Variants in GRM7 observed in about 807,000 individuals in gnomAD.
GRM7 encodes glutamate metabotropic receptor 7.
GRM7 carries 35 observed loss-of-function variants against 84.5 expected under a neutral mutation model. The observed-to-expected ratio is 0.41, with a 90% CI of 0.32 to 0.55. The LOEUF is 0.55. Among genes scored for constraint, GRM7 ranks in the 20% least tolerant of loss-of-function variants. The probability of loss-of-function intolerance (pLI) is 0.19; values close to 1 mark genes in which losing one functional copy is unlikely to be tolerated. For missense variants in GRM7, 1,003 were observed against 1,194.6 expected, an observed-to-expected ratio of 0.84 and a Z score of 2.36; for synonymous variants, 487 against 455.1, an observed-to-expected ratio of 1.07 and a Z score of -0.89.
At chr3:7,024,463 A>T (rs544413451) in intron 1 of GRM7, among the ~76,000 whole-genome samples, 1 of 152,352 alleles carries the variant, frequency 6.6e-6, no homozygotes, top group East Asian at 1.9e-4. Context: ...TTTCCCCAAG[A>T]TGAAAAATGG....
In GRM7 at chr3:6,925,060, A is replaced by G. The variant is rs139102821; in HGVS notation, c.519+63153A>G. Among the ~76,000 whole-genome samples, 558 of 152,294 alleles carry G rather than the reference A, an allele frequency of 3.7e-3. 3 individuals carry two copies. Among genetic ancestry groups the G allele is most frequent in the African/African-American group, 0.013 (521 of 41,558 alleles). On this transcript the variant is annotated intron_variant, in intron 1 of 9. Coordinates refer to ENST00000357716, the MANE Select transcript of GRM7 (RefSeq NM_000844.4). ...TTTTTTACTGAAGAAAGAAAAAGAGATATGAGTGGGGAGAATGGAGTAAAG... is the reference window on the plus strand; with the variant it reads ...TTTTTTACTGAAGAAAGAAAAAGAGGTATGAGTGGGGAGAATGGAGTAAAG...
chr3:6,890,113 T>A (rs1159169286), intron 1 of GRM7, among the ~76,000 whole-genome samples: 1 of 152,188 alleles, frequency 6.6e-6, no homozygotes, highest in Non-Finnish European at 1.5e-5. Flanking sequence ...TCTATTTGAT[T>A]CTTCTCTCTT....
intron 1 of GRM7, among the ~76,000 whole-genome samples, chr3:7,068,330 G>T (rs951555369): frequency 3.6e-4 from 55 of 151,990 alleles, no homozygotes; most frequent in African/African-American, 1.2e-3. Flanking sequence ...TATAAATAGG[G>T]TAATGATGTC....
At chr3:7,453,769 G>T (rs1697880845) in intron 6 of GRM7, among the ~76,000 whole-genome samples, 1 of 152,066 alleles carries the variant, frequency 6.6e-6, no homozygotes, top group Non-Finnish European at 1.5e-5. Context: ...GAAGAAATGT[G>T]ACTGTACACA....
At chr3:7,344,326 T>C (rs767337298) in intron 4 of GRM7, among the ~76,000 whole-genome samples, 2 of 152,216 alleles carry the variant, frequency 1.3e-5, no homozygotes, top group African/African-American at 2.4e-5. Context: ...TTCCAACTTA[T>C]AAGTGAGAAC....
chr3:7,634,747 TC>T (rs1698005227), intron 8 of GRM7, among the ~76,000 whole-genome samples: 1 of 150,112 alleles, frequency 6.7e-6, no homozygotes, highest in African/African-American at 2.5e-5. Context: ...TGAGCCGAGA[TC>T]GCGCCACTGC....
At chr3:7,022,819 G>T (rs1695828322) in intron 1 of GRM7, among the ~76,000 whole-genome samples, 1 of 152,024 alleles carries the variant, frequency 6.6e-6, no homozygotes, top group Admixed American at 6.6e-5. Context: ...TCCTATGAAG[G>T]TTTGCTGAAA....
chr3:7,527,209 T>C (rs1700841686), intron 7 of GRM7, among the ~76,000 whole-genome samples: 2 of 151,986 alleles, frequency 1.3e-5, no homozygotes, highest in Admixed American at 6.6e-5. Context: ...TTTCAGCAAT[T>C]TTTTATAGTT....
At chr3:7,457,356 C>A (rs1048300199) in intron 6 of GRM7, among the ~76,000 whole-genome samples, 2 of 152,116 alleles carry the variant, frequency 1.3e-5, no homozygotes, top group Admixed American at 6.6e-5. Context: ...TTTTATCATG[C>A]CTAGATATTT....
At chr3:7,649,796 A>AAAT (rs1698841701) in intron 8 of GRM7, among the ~76,000 whole-genome samples, 1 of 149,726 alleles carries the variant, frequency 6.7e-6, no homozygotes, top group Non-Finnish European at 1.5e-5. Context: ...TTTTCCACCC[A>AAAT]AATTTATTTC....
At chr3:7,246,779 AT>A (rs1697777043) in intron 2 of GRM7, among the ~76,000 whole-genome samples, 1 of 152,112 alleles carries the variant, frequency 6.6e-6, no homozygotes, top group Non-Finnish European at 1.5e-5. Context: ...TTCCATCAGA[AT>A]TTTCTTTGTA....
chr3:7,349,019 G>A (rs1475895006), intron 4 of GRM7, among the ~76,000 whole-genome samples: 3 of 152,056 alleles, frequency 2.0e-5, no homozygotes, highest in African/African-American at 7.2e-5. Context: ...GTTATAAAAC[G>A]TGGTCCCTGT....
intron 1 of GRM7, among the ~76,000 whole-genome samples, chr3:6,979,728 G>C (rs1457924413): frequency 6.6e-6 from 1 of 152,144 alleles, no homozygotes; most frequent in Non-Finnish European, 1.5e-5. Flanking sequence ...ATAAAAATGG[G>C]TTGGTGGAAA....
rs182927329 is a variant in GRM7, at chr3:7,164,094, C to T, written c.736+17426C>T. On this transcript the variant is annotated intron_variant, in intron 2 of 9. Transcript: ENST00000357716. ...AAAACCATAGCCACATGCAGTGGCT[C>T]ACACCTGTAATCCCAGCACTTTGGG... 1.7e-3 allele frequency among the ~76,000 whole-genome samples: 257 copies of T among 152,296 alleles called. 1 individual carries two copies. Among genetic ancestry groups the T allele is most frequent in the East Asian group, 4.1e-3 (21 of 5,176 alleles).
chr3:7,041,463 A>ATTTC (rs930397403), intron 1 of GRM7, among the ~76,000 whole-genome samples: 23 of 152,184 alleles, frequency 1.5e-4, no homozygotes, highest in African/African-American at 5.6e-4. Context: ...TTAATAGTTA[A>ATTTC]TTTCTTTTTA....
chr3:7,046,713 A>G (rs185323049), intron 1 of GRM7, among the ~76,000 whole-genome samples: 2 of 152,186 alleles, frequency 1.3e-5, no homozygotes, highest in East Asian at 3.9e-4. Flanking sequence ...GAGATAACTG[A>G]AAAGAAGGAC....
chr3:6,886,504 A>G (rs1695701343), intron 1 of GRM7, among the ~76,000 whole-genome samples: 1 of 152,182 alleles, frequency 6.6e-6, no homozygotes, highest in Middle Eastern at 3.2e-3. Flanking sequence ...TAATAGTAAA[A>G]GAAAACAGTA....
intron 1 of GRM7, among the ~76,000 whole-genome samples, chr3:6,907,235 G>C (rs1290290464): frequency 1.3e-5 from 2 of 151,908 alleles, no homozygotes; most frequent in Admixed American, 1.3e-4. Flanking sequence ...CTAAATTCTT[G>C]AAAAAATAAA....
intron 1 of GRM7, among the ~76,000 whole-genome samples, chr3:6,987,173 T>C (rs750590165): frequency 2.0e-5 from 3 of 152,174 alleles, no homozygotes; most frequent in East Asian, 3.9e-4. Context: ...GGTGCTTTAT[T>C]GACAACTGTT....
Sources: allele counts gnomAD v4.1 joint callset (sites outside exome capture counted in the v4.1 genomes callset), GRCh38; gene constraint gnomAD v4.1.1; transcripts MANE v1.5; gene names NCBI Gene and HGNC (gene_info 2026-07-23, HGNC 2026-07-21).